Variants in UQCC1 observed in about 807,000 individuals in gnomAD.
The protein encoded by UQCC1 is ubiquinol-cytochrome c reductase complex assembly factor 1.
In UQCC1, 38 loss-of-function variants were observed where a neutral mutation model predicts 48.0. The ratio of observed to expected loss-of-function variants is 0.79; its 90% confidence interval spans 0.61 to 1.04. The LOEUF (loss-of-function observed/expected upper bound fraction) is 1.04, where lower values mean the gene tolerates loss of function less well. UQCC1 is among the 50% of genes least tolerant of loss of function. The probability of loss-of-function intolerance (pLI) is 0.00; values close to 1 mark genes in which losing one functional copy is unlikely to be tolerated. For synonymous variants in UQCC1, 111 were observed against 129.2 expected (o/e 0.86, Z 0.95); for missense variants, 368 against 381.8 (o/e 0.96, Z 0.30).
At chr20:35,374,490 T>C (rs1322285441) in intron 4 of UQCC1, among the ~76,000 whole-genome samples, 2 of 152,226 alleles carry the variant, frequency 1.3e-5, no homozygotes, top group Non-Finnish European at 2.9e-5. Context: ...TCAGAAAGGC[T>C]TTTCCAATAT....
chr20:35,354,458 G>A (rs6088801), intron 6 of UQCC1, among the ~76,000 whole-genome samples: 81,763 of 150,494 alleles, frequency 0.54, 23,149 homozygotes, highest in East Asian at 0.71. Context: ...GTGCACTGAC[G>A]CAATCTTGGC....
chr20:35,361,532 GAATA>G (rs2061604845), intron 6 of UQCC1, among the ~76,000 whole-genome samples: 1 of 152,144 alleles, frequency 6.6e-6, no homozygotes, highest in Admixed American at 6.5e-5. Flanking sequence ...TCAATCAAGA[GAATA>G]AATGCCATAA....
chr20:35,376,981 AAAAAG>A (rs1915464490), intron 4 of UQCC1, among the ~76,000 whole-genome samples: 2 of 151,524 alleles, frequency 1.3e-5, no homozygotes, highest in African/African-American at 4.8e-5. Context: ...AAAAAAAAAG[AAAAAG>A]AAAAGGAAAA....
chr20:35,327,960 C>T (rs1465812401), intron 7 of UQCC1, among the ~76,000 whole-genome samples: 2 of 148,968 alleles, frequency 1.3e-5, no homozygotes, highest in Non-Finnish European at 3.0e-5. Context: ...GAGATTACGC[C>T]ACTGCAATCC....
Position 35,314,636 on chromosome 20 carries a change from C to T in UQCC1, c.651+52G>A, listed in dbSNP as rs374790963. The T allele has an allele frequency of 1.1e-4, 170 of 1,510,802 alleles. 1 individual carries two copies. Among genetic ancestry groups the T allele is most frequent in the Admixed American group, 5.8e-4 (34 of 58,932 alleles). 93.6% of individuals were successfully genotyped at this position (1,510,802 alleles called of 1,614,324 possible). A position where few individuals can be genotyped will look rare whatever the true frequency, so the allele number is the denominator to read the frequency against. On this transcript the variant is annotated intron_variant, in intron 8 of 9. Transcript: ENST00000374385. ...TTCCCTCAGAGGCTCTCATCAAAAG[C>T]CTTTGCTGGGGGAGGCCACCGTCCT...
intron 4 of UQCC1, among the ~76,000 whole-genome samples, chr20:35,376,307 CAA>C (rs71830656): frequency 6.9e-6 from 1 of 145,742 alleles, no homozygotes; most frequent in Non-Finnish European, 1.5e-5. Context: ...GACTCCGCCT[CAA>C]AAAAAAAATC....
At chr20:35,324,304 G>A (rs957048399) in intron 7 of UQCC1, among the ~76,000 whole-genome samples, 14 of 152,024 alleles carry the variant, frequency 9.2e-5, no homozygotes, top group Non-Finnish European at 1.3e-4. Flanking sequence ...TTACAGGCAC[G>A]CACCACCACA....
intron 1 of UQCC1, among the ~76,000 whole-genome samples, chr20:35,395,448 C>G (rs1414229908): frequency 6.6e-6 from 1 of 151,300 alleles, no homozygotes; most frequent in Non-Finnish European, 1.5e-5. Context: ...AGCGAGACCC[C>G]CAGCTATACA....
intron 2 of UQCC1, among the ~76,000 whole-genome samples, chr20:35,390,150 G>A (rs2061996612): frequency 6.6e-6 from 1 of 152,048 alleles, no homozygotes; most frequent in Non-Finnish European, 1.5e-5. Context: ...ACAAGGCCAG[G>A]GTGATGGCTC....
At chr20:35,357,756 G>A (rs1488137903) in intron 6 of UQCC1, among the ~76,000 whole-genome samples, 1 of 151,174 alleles carries the variant, frequency 6.6e-6, no homozygotes, top group East Asian at 1.9e-4. Flanking sequence ...TAAAAGACTT[G>A]AAGATCCTGC....
chr20:35,318,337 C>G (rs944000200), intron 7 of UQCC1, among the ~76,000 whole-genome samples: 1 of 152,234 alleles, frequency 6.6e-6, no homozygotes, highest in African/African-American at 2.4e-5. Flanking sequence ...AACCTGATTT[C>G]TGGGTAAGTG....
At chr20:35,320,286 C>T (rs752578319) in intron 7 of UQCC1, among the ~76,000 whole-genome samples, 11 of 152,220 alleles carry the variant, frequency 7.2e-5, no homozygotes, top group Non-Finnish European at 1.5e-4. Flanking sequence ...TGTGCTACAA[C>T]TTTACACATT....
intron 7 of UQCC1, among the ~76,000 whole-genome samples, chr20:35,338,874 A>ATATATATATATAT (rs1568666053): frequency 3.4e-5 from 2 of 58,432 alleles, no homozygotes; most frequent in Non-Finnish European, 5.7e-5. Context: ...AAAAAAAAAA[A>ATATATATATATAT]AAAAAAAAAA....
At chr20:35,331,270 C>T (rs770422263) in intron 7 of UQCC1, among the ~76,000 whole-genome samples, 1 of 152,082 alleles carries the variant, frequency 6.6e-6, no homozygotes, top group South Asian at 2.1e-4. Context: ...GGGCAACACA[C>T]ACAGTTTACA....
In UQCC1 at chr20:35,339,642, A is replaced by T. The variant is rs1398515087; in HGVS notation, c.573+7522T>A. Among the ~76,000 whole-genome samples the T allele has an allele frequency of 3.3e-5, 5 of 152,198 alleles. No individual in the cohort carries two copies. In the East Asian group the frequency reaches 9.7e-4, roughly 29 times the overall value. On this transcript the variant is annotated intron_variant, in intron 7 of 9. Coordinates refer to ENST00000374385, the MANE Select transcript of UQCC1 (RefSeq NM_018244.5). Reference sequence around the variant, plus strand: ...ACTAGAAGAATGGGCTGGAGCCAGAACATGAATACTTCTTTTCTCTCCAAT... The same window carrying T: ...ACTAGAAGAATGGGCTGGAGCCAGATCATGAATACTTCTTTTCTCTCCAAT...
At chr20:35,397,628 T>C (rs2062101618) in intron 1 of UQCC1, among the ~76,000 whole-genome samples, 1 of 152,114 alleles carries the variant, frequency 6.6e-6, no homozygotes, top group African/African-American at 2.4e-5. Context: ...ATAACAACTA[T>C]TTACATAGCA....
At chr20:35,403,465 T>C (rs145841875) in intron 1 of UQCC1, among the ~76,000 whole-genome samples, 1 of 152,284 alleles carries the variant, frequency 6.6e-6, no homozygotes, top group Non-Finnish European at 1.5e-5. Flanking sequence ...CTAAAGGAAC[T>C]AGTCTCCTCA....
chr20:35,336,633 G>T (rs1329665284), intron 7 of UQCC1, among the ~76,000 whole-genome samples: 3 of 151,928 alleles, frequency 2.0e-5, no homozygotes, highest in African/African-American at 7.3e-5. Flanking sequence ...CTTAATTTCA[G>T]CCCCATGAAA....
In UQCC1 at chr20:35,331,619, C is replaced by T. The variant is rs568318463; in HGVS notation, c.573+15545G>A. 1.3e-4 allele frequency among the ~76,000 whole-genome samples: 20 copies of T among 152,248 alleles called. No individual in the cohort carries two copies. In the East Asian group the frequency reaches 3.5e-3, roughly 26 times the overall value. On this transcript the variant is annotated intron_variant, in intron 7 of 9. Transcript: ENST00000374385. ...CTCCAAAATAAGGGGTTACTATTTCCCCAGGCACAGATGGAGAAACTAAAG... is the reference window on the plus strand; with the variant it reads ...CTCCAAAATAAGGGGTTACTATTTCTCCAGGCACAGATGGAGAAACTAAAG...
Sources: gnomAD v4.1 joint callset for allele counts (sites outside exome capture counted in the v4.1 genomes callset) on GRCh38, gnomAD v4.1.1 for gene constraint, MANE v1.5 for transcripts, NCBI Gene and HGNC (gene_info 2026-07-23, HGNC 2026-07-21) for gene names.